Variants in METTL6 observed in about 807,000 individuals in gnomAD.
METTL6 encodes the protein tRNA N(3)-cytidine methyltransferase METTL6.
Under a neutral mutation model 26.4 loss-of-function variants are expected in METTL6, and 22 were observed. The ratio of observed to expected loss-of-function variants is 0.83; its 90% confidence interval spans 0.59 to 1.19. The LOEUF (loss-of-function observed/expected upper bound fraction) is 1.19. Ranked by LOEUF, METTL6 falls within the 50% of genes most tolerant of loss-of-function variation. METTL6 has a pLI of 0.00. For synonymous variants in METTL6, 109 were observed against 116.2 expected, an observed-to-expected ratio of 0.94 and a Z score of 0.40; for missense variants, 304 against 324.8, an observed-to-expected ratio of 0.94 and a Z score of 0.49.
At position 15,425,468 on chromosome 3, in the gene METTL6, C is replaced by T. The variant is rs2061697051; in HGVS notation, c.226-379G>A. ...GCCGGTATAAGGGTCAAATGATAGG[C>T]CATGTAGAAAACAGCCATGGTAAAT... is the stretch of plus-strand genomic sequence containing the variant. On this transcript the variant is annotated intron_variant, in intron 2 of 5. Coordinates refer to ENST00000383790, the MANE Select transcript of METTL6 (RefSeq NM_152396.4). 3.3e-5 allele frequency among the ~76,000 whole-genome samples: 5 copies of T among 152,274 alleles called. No individual in the cohort carries two copies. The South Asian group carries it at 1.0e-3, about 32-fold the overall frequency.
intron 6 of METTL6, among the ~76,000 whole-genome samples, chr3:15,393,890 T>C (rs1333041380): frequency 6.6e-6 from 1 of 152,370 alleles, no homozygotes; most frequent in Admixed American, 6.5e-5. Context: ...GCTGCTGGAT[T>C]CAGTTTCCCA....
chr3:15,427,638 C>T (rs1358751394), upstream of METTL6: 3 of 817,952 alleles, frequency 3.7e-6, no homozygotes, highest in Non-Finnish European at 5.9e-6. Context: ...TGCTTCTGGA[C>T]CCGGGTGGGT....
intron 6 of METTL6, among the ~76,000 whole-genome samples, chr3:15,397,241 C>G (rs149474290): frequency 0.021 from 3,229 of 152,310 alleles, 96 homozygotes; most frequent in African/African-American, 0.072. Context: ...GACTGCTGTG[C>G]TAGCAATGAG....
Position 15,420,481 on chromosome 3 carries a change from G to C in METTL6, c.360+4474C>G, listed in dbSNP as rs182477632. On this transcript the variant is annotated intron_variant, in intron 3 of 5. Coordinates refer to ENST00000383790, the MANE Select transcript of METTL6 (RefSeq NM_152396.4). ...AAATATTACCTTTTGGAAATGTAAT[G>C]ATCAAACCACTTCTCTAAGCAGTAC... is the stretch of plus-strand genomic sequence containing the variant. Among the ~76,000 whole-genome samples the C allele has an allele frequency of 1.1e-3, 174 of 152,284 alleles. 1 individual carries two copies. In the Middle Eastern group the frequency reaches 0.024, roughly 21 times the overall value.
intron 4 of METTL6, chr3:15,414,506 C>A: frequency 3.2e-6 from 1 of 310,646 alleles, no homozygotes; most frequent in Non-Finnish European, 5.4e-6. Context: ...TAGGTGCCCG[C>A]CACCATGCCC....
chr3:15,391,741 A>G (rs1012761246), intron 6 of METTL6, among the ~76,000 whole-genome samples: 2 of 146,954 alleles, frequency 1.4e-5, no homozygotes, highest in African/African-American at 5.1e-5. Flanking sequence ...GAGTGAGAAC[A>G]TGCGGTGTTT....
chr3:15,411,983 T>C (rs1699988832), intron 5 of METTL6, among the ~76,000 whole-genome samples: 1 of 152,110 alleles, frequency 6.6e-6, no homozygotes, highest in Admixed American at 6.6e-5. Flanking sequence ...CAGGCTGGTC[T>C]CAAACCCCTG....
intron 6 of METTL6, among the ~76,000 whole-genome samples, chr3:15,389,929 T>G (rs1208298141): frequency 6.7e-6 from 1 of 150,292 alleles, no homozygotes; most frequent in African/African-American, 2.5e-5. Flanking sequence ...TATAGCTCAG[T>G]GCATCCCTGA....
At chr3:15,412,396 C>T (rs1046322281) in intron 5 of METTL6, among the ~76,000 whole-genome samples, 2 of 152,358 alleles carry the variant, frequency 1.3e-5, no homozygotes, top group Middle Eastern at 3.4e-3. Flanking sequence ...ATCACTGAAT[C>T]TTCTCAATAT....
At chr3:15,389,823 C>T (rs1265327384) in intron 6 of METTL6, among the ~76,000 whole-genome samples, 1 of 151,224 alleles carries the variant, frequency 6.6e-6, no homozygotes, top group Non-Finnish European at 1.5e-5. Flanking sequence ...GCTGGGATTA[C>T]AGGCATACGC....
At chr3:15,418,935 A>G (rs1023541783) in intron 3 of METTL6, among the ~76,000 whole-genome samples, 3 of 152,154 alleles carry the variant, frequency 2.0e-5, no homozygotes, top group Non-Finnish European at 4.4e-5. Context: ...AAAGGAAAAG[A>G]TTAATATTTT....
downstream of METTL6, among the ~76,000 whole-genome samples, chr3:15,405,367 A>T (rs1439645291): frequency 6.6e-6 from 1 of 152,230 alleles, no homozygotes; most frequent in Non-Finnish European, 1.5e-5. Context: ...ATCTCCAGTG[A>T]GGCCAAAATT....
At chr3:15,416,006 T>C in intron 3 of METTL6, 64 bp from the exon 4 acceptor site, 2 of 1,451,858 alleles carry the variant, frequency 1.4e-6, no homozygotes, top group Non-Finnish European at 1.9e-6. Context: ...TATAGAAAAA[T>C]ACAACATCAA....
intron 3 of METTL6, among the ~76,000 whole-genome samples, chr3:15,421,459 A>T (rs1447560730): frequency 6.6e-6 from 1 of 152,130 alleles, no homozygotes; most frequent in Non-Finnish European, 1.5e-5. Context: ...TTAAAAATAA[A>T]GGGTTTGGGT....
chr3:15,395,612 TG>T (rs1320482142), intron 6 of METTL6, among the ~76,000 whole-genome samples: 13 of 152,238 alleles, frequency 8.5e-5, no homozygotes, highest in Admixed American at 3.3e-4. Flanking sequence ...CTTTACAATT[TG>T]GCATGTTTTT....
intron 5 of METTL6, among the ~76,000 whole-genome samples, chr3:15,411,792 T>TG (rs1184810390): frequency 8.6e-5 from 13 of 151,930 alleles, no homozygotes; most frequent in African/African-American, 2.9e-4. Flanking sequence ...TGAGACACAA[T>TG]GTCACTCTGT....
Position 15,410,522 on chromosome 3 carries a change from A to G in METTL6, c.*734T>C, listed in dbSNP as rs770182292. Among the ~76,000 whole-genome samples, 2 of 152,006 alleles carry G rather than the reference A, an allele frequency of 1.3e-5. No homozygotes were observed. The highest frequency in any genetic ancestry group is 4.8e-5 in the African/African-American group (2 of 41,388). ...GACAGAGTTTCACCATGTTGCCCAC[A>G]CTGGTCTTGAACTCCTGGGCTCAAG... On this transcript the variant is annotated 3_prime_UTR_variant, in exon 6 of 6. Coordinates refer to ENST00000383790, the MANE Select transcript of METTL6 (RefSeq NM_152396.4).
At chr3:15,381,884 A>T (rs1160154028) in exon 7 of METTL6, 1 of 150,512 alleles carries the variant, frequency 6.6e-6, no homozygotes, top group Admixed American at 6.6e-5. Flanking sequence ...CTACAAATTG[A>T]GTTACTAGAA....
chr3:15,383,891 G>A (rs1239691562), exon 7 of METTL6: 1 of 163,162 alleles, frequency 6.1e-6, no homozygotes, highest in East Asian at 1.9e-4. Flanking sequence ...AGTATAAGTG[G>A]GGGTGTGTAT....
Sources: allele counts gnomAD v4.1 joint callset (sites outside exome capture counted in the v4.1 genomes callset), GRCh38; gene constraint gnomAD v4.1.1; transcripts MANE v1.5; gene names NCBI Gene and HGNC (gene_info 2026-07-23, HGNC 2026-07-21).